GRAMD4: variants seen among roughly 807,000 people sequenced by gnomAD.
GRAMD4 encodes the protein GRAM domain-containing protein 4.
Under a neutral mutation model 83.9 loss-of-function variants are expected in GRAMD4, and 25 were observed. The observed-to-expected ratio is 0.30, with a 90% CI of 0.22 to 0.42. The LOEUF (loss-of-function observed/expected upper bound fraction) is 0.42, where lower values mean the gene tolerates loss of function less well. Ranked by LOEUF, GRAMD4 falls within the 10% of genes least tolerant of loss-of-function variation. GRAMD4 has a pLI of 1.00. For missense variants in GRAMD4, 593 were observed against 788.7 expected (o/e 0.75, Z 2.97); for synonymous variants, 336 against 320.9 (o/e 1.05, Z -0.50).
intron 3 of GRAMD4, among the ~76,000 whole-genome samples, chr22:46,644,005 AAT>A (rs942996351): frequency 4.6e-5 from 7 of 152,194 alleles, no homozygotes; most frequent in Non-Finnish European, 8.8e-5. Flanking sequence ...GTTTTCTTCT[AAT>A]TTTACACTGT....
At chr22:46,607,786 G>T (rs928870255) in intron 1 of GRAMD4, among the ~76,000 whole-genome samples, 1 of 152,174 alleles carries the variant, frequency 6.6e-6, no homozygotes, top group African/African-American at 2.4e-5. Flanking sequence ...GCTCCCACCA[G>T]CTCCTTTCTG....
chr22:46,663,613 G>A (rs1391438062), intron 6 of GRAMD4, among the ~76,000 whole-genome samples: 1 of 152,226 alleles, frequency 6.6e-6, no homozygotes, highest in Non-Finnish European at 1.5e-5. Flanking sequence ...GATTTCATTG[G>A]CGAGTCGCCC....
chr22:46,581,813 G>A (rs1455336553), intron 1 of GRAMD4, among the ~76,000 whole-genome samples: 1 of 152,224 alleles, frequency 6.6e-6, no homozygotes, highest in African/African-American at 2.4e-5. Context: ...CACGGGGGTT[G>A]GGCGGAGAGC....
chr22:46,578,552 C>T (rs2081067353), intron 1 of GRAMD4, among the ~76,000 whole-genome samples: 1 of 152,184 alleles, frequency 6.6e-6, no homozygotes, highest in Non-Finnish European at 1.5e-5. Context: ...CAGTCATGGC[C>T]TCTGCCCCGG....
At chr22:46,635,235 C>G (rs1200717622) in intron 2 of GRAMD4, among the ~76,000 whole-genome samples, 1 of 139,396 alleles carries the variant, frequency 7.2e-6, no homozygotes. Context: ...ACCGTGTCCT[C>G]CCTGCCCCCA....
chr22:46,588,402 G>A (rs1427345396), intron 1 of GRAMD4, among the ~76,000 whole-genome samples: 1 of 152,216 alleles, frequency 6.6e-6, no homozygotes, highest in African/African-American at 2.4e-5. Context: ...GCTGAGCTCT[G>A]TGGATGTGGG....
chr22:46,630,321 C>T (rs1005554613), intron 2 of GRAMD4, among the ~76,000 whole-genome samples: 9 of 152,172 alleles, frequency 5.9e-5, no homozygotes, highest in Admixed American at 2.6e-4. Context: ...CCACCGCGCC[C>T]GACCTGTTGT....
chr22:46,677,870 C>T lies in GRAMD4; in HGVS notation c.*619C>T, dbSNP rs990349500. On this transcript the variant is annotated 3_prime_UTR_variant, in exon 19 of 19. Transcript: ENST00000406902. Reference sequence around the variant, plus strand: ...CTGCCTGCGCTCCACACTCGCTCCACGGGAACAGAGAGGGTGAGAAGGGCC... The same window carrying T: ...CTGCCTGCGCTCCACACTCGCTCCATGGGAACAGAGAGGGTGAGAAGGGCC... 6 of 985,234 alleles carry T rather than the reference C, an allele frequency of 6.1e-6. No homozygotes were observed. The highest frequency in any genetic ancestry group is 3.5e-5 in the African/African-American group (2 of 57,362). The allele number at this position is 985,234 out of a possible 1,614,324, so 61.0% of individuals were successfully genotyped here. A position where few individuals can be genotyped will look rare whatever the true frequency, so the allele number is the denominator to read the frequency against.
intron 8 of GRAMD4, among the ~76,000 whole-genome samples, chr22:46,665,394 C>T (rs2082392454): frequency 1.3e-5 from 2 of 152,260 alleles, no homozygotes; most frequent in South Asian, 4.1e-4. Flanking sequence ...GGACACGCTT[C>T]TCCCTAGGTG....
Position 46,608,015 on chromosome 22 carries a change from G to A in GRAMD4, c.-49-18736G>A, listed in dbSNP as rs112230723. On this transcript the variant is annotated intron_variant, in intron 1 of 1. Transcript: ENST00000431155. ...CCAGCTCCATGGGTTTGTTGGCCTCGCCTCCTCTGTATCCTTGCGCTGAGG... is the reference window on the plus strand; with the variant it reads ...CCAGCTCCATGGGTTTGTTGGCCTCACCTCCTCTGTATCCTTGCGCTGAGG... Among the ~76,000 whole-genome samples the A allele has an allele frequency of 8.0e-3, 1,216 of 152,308 alleles. 19 individuals are homozygous for A. Among genetic ancestry groups the A allele is most frequent in the African/African-American group, 0.028 (1,169 of 41,570 alleles).
chr22:46,673,270 C>T (rs756031035), intron 14 of GRAMD4, among the ~76,000 whole-genome samples: 6 of 152,212 alleles, frequency 3.9e-5, no homozygotes, highest in East Asian at 1.9e-4. Context: ...TGGGGGTGCC[C>T]GGCCCCTGCC....
chr22:46,649,056 A>G (rs2082128164), intron 3 of GRAMD4, among the ~76,000 whole-genome samples: 1 of 152,214 alleles, frequency 6.6e-6, no homozygotes, highest in Non-Finnish European at 1.5e-5. Flanking sequence ...TTAAGGCCTT[A>G]CTGGCCACCT....
rs2082643021 is a variant in GRAMD4 at position 46,679,290 on chromosome 22, G to A, written c.*2039G>A. On this transcript the variant is annotated 3_prime_UTR_variant, in exon 19 of 19. Transcript: ENST00000406902. ...GGCTTTACCAGCGTCGGGTGGTTTA[G>A]TTCGAGTCCCTTTTGTGGAGAAAGG... 1 of 985,466 alleles carries A rather than the reference G, an allele frequency of 1.0e-6. No homozygotes were observed. Among genetic ancestry groups the A allele is most frequent in the Non-Finnish European group, 1.2e-6 (1 of 829,940 alleles). The allele number at this position is 985,466 out of a possible 1,614,324, so 61.0% of individuals were successfully genotyped here.
chr22:46,665,813 C>T (rs1215308504), intron 9 of GRAMD4, 107 bp downstream of exon 9: 17 of 665,470 alleles, frequency 2.6e-5, no homozygotes, highest in Admixed American at 1.5e-4. Context: ...CATGCACTGA[C>T]GTTTTGGGGG....
chr22:46,637,446 G>A (rs1012327712), intron 2 of GRAMD4, among the ~76,000 whole-genome samples: 1 of 152,046 alleles, frequency 6.6e-6, no homozygotes, highest in Non-Finnish European at 1.5e-5. Flanking sequence ...GTAGAGATAG[G>A]GTTTCACCGT....
intron 3 of GRAMD4, among the ~76,000 whole-genome samples, chr22:46,646,166 C>T (rs554237108): frequency 3.3e-5 from 5 of 152,346 alleles, no homozygotes; most frequent in African/African-American, 9.6e-5. Context: ...TAGGCTACCA[C>T]GCCCTGTCTC....
intron 1 of GRAMD4, among the ~76,000 whole-genome samples, chr22:46,605,806 G>C (rs547635613): frequency 2.7e-5 from 4 of 147,384 alleles, no homozygotes; most frequent in African/African-American, 1.0e-4. Flanking sequence ...CCGGTGCTGA[G>C]CATCTCTGCA....
At position 46,591,459 on chromosome 22, in the gene GRAMD4, A is replaced by G. The variant is rs74281178; in HGVS notation, c.-50+14169A>G. Among the ~76,000 whole-genome samples the G allele has an allele frequency of 4.6e-5, 7 of 152,000 alleles. No individual in the cohort carries two copies. In the East Asian group the frequency reaches 1.4e-3, roughly 30 times the overall value. On this transcript the variant is annotated intron_variant, in intron 1 of 1. Transcript: ENST00000431155. ...TTGTTGTTTTGGACAGATTTACCAA[A>G]TTCATTTGGACGACGTTACTGAAGC... is the stretch of plus-strand genomic sequence containing the variant.
At chr22:46,610,517 C>G (rs535345426) in intron 1 of GRAMD4, among the ~76,000 whole-genome samples, 5 of 152,372 alleles carry the variant, frequency 3.3e-5, no homozygotes, top group African/African-American at 1.2e-4. Flanking sequence ...AAGGTGTTCA[C>G]CGCCCGGCCT....
Sources: allele counts gnomAD v4.1 joint callset (sites outside exome capture counted in the v4.1 genomes callset), GRCh38; gene constraint gnomAD v4.1.1; transcripts MANE v1.5; gene names NCBI Gene and HGNC (gene_info 2026-07-23, HGNC 2026-07-21).